The following NKAP variants were observed in gnomAD, a reference collection of about 807,000 sequenced individuals.
NKAP encodes NF-kappa-B-activating protein.
NKAP carries 4 observed loss-of-function variants against 35.6 expected under a neutral mutation model. The ratio of observed to expected loss-of-function variants is 0.11; its 90% CI spans 0.06 to 0.26. The LOEUF is 0.26. Ranked by LOEUF, NKAP falls within the 10% of genes least tolerant of loss-of-function variation. The pLI is 1.00. For synonymous variants in NKAP, 106 were observed against 119.2 expected (o/e 0.89, Z 0.72); for missense variants, 238 against 321.9 (o/e 0.74, Z 1.99).
In NKAP at chrX:119,930,034, T is replaced by C; in HGVS notation, c.1055A>G (p.Tyr352Cys). The C allele has an allele frequency of 8.3e-7, 1 of 1,206,853 alleles. No homozygotes were observed. Among genetic ancestry groups the C allele is most frequent in the Non-Finnish European group, 1.1e-6 (1 of 893,824 alleles). ...AACATACCTGCTACCACTCATTACATAACCTGAGCATTCAAATGATGCAAT... is the reference window on the plus strand; with the variant it reads ...AACATACCTGCTACCACTCATTACACAACCTGAGCATTCAAATGATGCAAT... Reference protein sequence around the residue: ...EEIASFECSGYVMSGSRHRRM... With the variant: ...EEIASFECSGCVMSGSRHRRM... Residue 352 changes from tyrosine to cysteine, a missense_variant, in exon 8 of 9, where the codon TAT becomes TGT. Tyr to Cys is a radical substitution (Grantham distance 194, BLOSUM62 -2). Transcript: ENST00000371410.
rs2056806436 is a variant in NKAP at position 119,943,696 on chromosome X, G to A, written c.-91C>T. On this transcript the variant is annotated 5_prime_UTR_variant, in exon 1 of 9. Coordinates refer to ENST00000371410, the MANE Select transcript of NKAP (RefSeq NM_024528.4). Reference sequence around the variant, plus strand: ...GTTGCCTTGGTTCCCGGGACCTGCCGCTGCGGAACAGCCCAAATCTGAGGA... The same window carrying A: ...GTTGCCTTGGTTCCCGGGACCTGCCACTGCGGAACAGCCCAAATCTGAGGA... 9.9e-7 allele frequency: 1 copy of A among 1,008,434 alleles called. No homozygotes were observed. Among genetic ancestry groups the A allele is most frequent in the Non-Finnish European group, 1.3e-6 (1 of 762,266 alleles). 83.1% of individuals were successfully genotyped at this position (1,008,434 alleles called of 1,213,427 possible).
rs2056710608 is a variant in NKAP at position 119,925,947 on chromosome X, A to AATT, written c.1074-554_1074-553insAAT. On this transcript the variant is annotated intron_variant, in intron 8 of 8. Transcript: ENST00000371410. The stretch of plus-strand genomic sequence containing the variant: ...CTTTTTTCTTTTTTTTTTTTTTTTA[A>AATT]TTTTTTTTTTTTTTTTTTTTGAGAC... 5.7e-5 allele frequency among the ~76,000 whole-genome samples: 3 copies of AATT among 52,391 alleles called. 1 individual carries two copies. The highest frequency in any genetic ancestry group is 2.4e-4 in the African/African-American group (3 of 12,263). 45.5% of individuals were successfully genotyped at this position (52,391 alleles called of 115,157 possible). A position where few individuals can be genotyped will look rare whatever the true frequency, so the allele number is the denominator to read the frequency against.
At chrX:119,932,273 CTTAAT>C in intron 5 of NKAP, 57 bp from the exon 6 acceptor site, 1 of 850,732 alleles carries the variant, frequency 1.2e-6, no homozygotes, top group Non-Finnish European at 1.7e-6. Flanking sequence ...TAGAGGGCAT[CTTAAT>C]TTTTCTTTTC....
At chrX:119,933,897 C>T (rs775469060) in intron 5 of NKAP, among the ~76,000 whole-genome samples, 10 of 109,873 alleles carry the variant, frequency 9.1e-5, no homozygotes, top group Non-Finnish European at 1.3e-4. Context: ...GCCGAGATCG[C>T]GCCACTGCAC....
intron 1 of NKAP, among the ~76,000 whole-genome samples, chrX:119,940,778 C>T (rs754912828): frequency 1.2e-4 from 13 of 111,959 alleles, no homozygotes; most frequent in Non-Finnish European, 2.1e-4. Context: ...TATAGCTGTA[C>T]TTGGAATGTA....
In NKAP at chrX:119,924,368, T is replaced by A. The variant is rs2056699698; in HGVS notation, c.*852A>T. On this transcript the variant is annotated 3_prime_UTR_variant, in exon 9 of 9. Transcript: ENST00000371410. ...TTTTTGTTCAAGCCACCTCCTCCAA[T>A]ACAGTAGCATTTTATTCATAATTTG... 9.0e-6 allele frequency: 1 copy of A among 110,901 alleles called. No individual in the cohort carries two copies. The highest frequency in any genetic ancestry group is 3.8e-4 in the South Asian group (1 of 2,629). The allele number at this position is 110,901 out of a possible 1,213,427, so 9.1% of individuals were successfully genotyped here.
At chrX:119,927,396 G>A (rs1305724937) in intron 8 of NKAP, among the ~76,000 whole-genome samples, 1 of 111,157 alleles carries the variant, frequency 9.0e-6, no homozygotes, top group African/African-American at 3.3e-5. Flanking sequence ...CCAGACTAGA[G>A]TACAATGGCG....
At chrX:119,935,907 G>A (rs1282507478) in intron 4 of NKAP, among the ~76,000 whole-genome samples, 1 of 111,857 alleles carries the variant, frequency 8.9e-6, no homozygotes, top group Non-Finnish European at 1.9e-5. Context: ...CCCTTCCACT[G>A]GGCCGATGCA....
At chrX:119,927,017 C>A (rs1473050049) in intron 8 of NKAP, among the ~76,000 whole-genome samples, 3 of 88,928 alleles carry the variant, frequency 3.4e-5, no homozygotes, top group African/African-American at 1.2e-4. Context: ...GCTGAGATTG[C>A]GCCACTGTAC....
At chrX:119,935,415 A>T (rs1017647664) in intron 4 of NKAP, among the ~76,000 whole-genome samples, 1 of 111,499 alleles carries the variant, frequency 9.0e-6, no homozygotes, top group Admixed American at 9.6e-5. Context: ...GTTGCAAGAG[A>T]GTGTAACAGG....
intron 8 of NKAP, among the ~76,000 whole-genome samples, chrX:119,925,934 T>TTTTC (rs1556402570): frequency 2.1e-5 from 2 of 94,992 alleles, no homozygotes; most frequent in Non-Finnish European, 4.1e-5. Flanking sequence ...TTTTTCTTTT[T>TTTTC]TTTTTTTTTT....
chrX:119,936,322 G>A lies in NKAP; in HGVS notation c.648C>T (p.Asp216=). The change falls in exon 4 of 9, where the codon GAC becomes GAT. Residue 216 remains aspartate, a synonymous_variant. Coordinates refer to ENST00000371410, the MANE Select transcript of NKAP (RefSeq NM_024528.4). Reference sequence around the variant, plus strand: ...CACTGGAGTCTGTTTCAGAATCAGAGTCACTGTCGCTATCTTCAGAATACT... The same window carrying A: ...CACTGGAGTCTGTTTCAGAATCAGAATCACTGTCGCTATCTTCAGAATACT... The part of the protein sequence containing the change: ...HKKYSEDSDS[D]SDSETDSSDE... The A allele has an allele frequency of 8.3e-7, 1 of 1,205,151 alleles. No homozygotes were observed. Among genetic ancestry groups the A allele is most frequent in the Non-Finnish European group, 1.1e-6 (1 of 892,792 alleles).
intron 6 of NKAP, 38 bp from the exon 7 acceptor site, chrX:119,932,049 A>C (rs1402598923): frequency 1.7e-6 from 2 of 1,180,528 alleles, no homozygotes; most frequent in Non-Finnish European, 2.3e-6. Context: ...TCACATTCTG[A>C]CTAATTGGTT....
Position 119,925,174 on chromosome X carries a change from T to A in NKAP, c.*46A>T. 1 of 1,176,113 alleles carries A rather than the reference T, an allele frequency of 8.5e-7. No individual in the cohort carries two copies. The highest frequency in any genetic ancestry group is 1.9e-5 in the South Asian group (1 of 53,726). ...TTCTATGTATGTGTGGAACCCAGACTTTCTTTTTTGTTGTTAAAAATGTCT... is the reference window on the plus strand; with the variant it reads ...TTCTATGTATGTGTGGAACCCAGACATTCTTTTTTGTTGTTAAAAATGTCT... On this transcript the variant is annotated 3_prime_UTR_variant, in exon 9 of 9. Coordinates refer to ENST00000371410, the MANE Select transcript of NKAP (RefSeq NM_024528.4).
At chrX:119,930,548 G>A (rs985398705) in intron 7 of NKAP, among the ~76,000 whole-genome samples, 1 of 112,240 alleles carries the variant, frequency 8.9e-6, no homozygotes, top group Non-Finnish European at 1.9e-5. Flanking sequence ...GCCAGGCACA[G>A]TGGCTCACGC....
intron 7 of NKAP, among the ~76,000 whole-genome samples, chrX:119,931,015 G>A (rs1295746893): frequency 3.7e-5 from 4 of 108,555 alleles, no homozygotes; most frequent in African/African-American, 6.7e-5. Flanking sequence ...GGCGGCAGGC[G>A]CCTGTAATCC....
intron 1 of NKAP, chrX:119,942,807 T>G: frequency 8.2e-6 from 1 of 121,586 alleles, no homozygotes; most frequent in Non-Finnish European, 1.7e-5. Context: ...TGAGCGCCTA[T>G]AAAGTACCAG....
chrX:119,936,924 A>G, intron 2 of NKAP: 1 of 275,549 alleles, frequency 3.6e-6, no homozygotes, highest in Non-Finnish European at 6.3e-6. Context: ...TGTAATAATA[A>G]AATAACTTAT....
rs983766828 is a variant in NKAP at position 119,923,876 on chromosome X, C to T, written c.*1344G>A. On this transcript the variant is annotated 3_prime_UTR_variant, in exon 9 of 9. Coordinates refer to ENST00000371410, the MANE Select transcript of NKAP (RefSeq NM_024528.4). ...GGCTGAGGCAGGAGAACTGCTTGAA[C>T]TTAGGAGGTGGAGGTTGTGGTGAGC... 8.9e-6 allele frequency: 1 copy of T among 111,908 alleles called. No individual in the cohort carries two copies. The highest frequency in any genetic ancestry group is 2.8e-4 in the East Asian group (1 of 3,552). 9.2% of individuals were successfully genotyped at this position (111,908 alleles called of 1,213,427 possible). A position where few individuals can be genotyped will look rare whatever the true frequency, so the allele number is the denominator to read the frequency against.
Sources: allele counts gnomAD v4.1 joint callset (sites outside exome capture counted in the v4.1 genomes callset), GRCh38; gene constraint gnomAD v4.1.1; transcripts MANE v1.5; gene names NCBI Gene and HGNC (gene_info 2026-07-23, HGNC 2026-07-21).